Variants in GLI4 observed in about 807,000 individuals in gnomAD.
The protein encoded by GLI4 is zinc finger protein GLI4.
In GLI4, 34 loss-of-function variants were observed where a neutral mutation model predicts 30.9. That is an observed-to-expected ratio of 1.10 (90% CI 0.84 to 1.47). The LOEUF is 1.47. GLI4 is among the 40% of genes most tolerant of loss of function. GLI4 has a pLI of 0.00. For missense variants in GLI4, 696 were observed against 538.9 expected (o/e 1.29, Z -2.89); for synonymous variants, 277 against 236.7 (o/e 1.17, Z -1.56).
intron 3 of GLI4, 70 bp from the exon 4 acceptor site, chr8:143,275,827 C>T (rs1006215696): frequency 1.6e-6 from 2 of 1,251,446 alleles, no homozygotes; most frequent in South Asian, 3.4e-5. Context: ...CTCTCACTCC[C>T]CGTCCCCGTC....
Position 143,274,772 on chromosome 8 carries a change from G to A in GLI4, c.193G>A (p.Val65Met). Reference protein sequence around the residue: ...SDLDLQDVEEVEIGRDTFWPD... With the variant: ...SDLDLQDVEEMEIGRDTFWPD... ...CCTGGATCTCCAAGACGTAGAGGAA[G>A]TGGAGATCGGCAGAGACACCTTCTG... is the stretch of plus-strand genomic sequence containing the variant. Residue 65 changes from valine to methionine, a missense_variant, in exon 3 of 4, where the codon GTG (valine) becomes ATG (methionine). Val to Met is a conservative substitution (Grantham distance 21). Coordinates refer to ENST00000340042, the MANE Select transcript of GLI4 (RefSeq NM_138465.4). The A allele has an allele frequency of 6.4e-7, 1 of 1,569,482 alleles. No homozygotes were observed. The highest frequency in any genetic ancestry group is 2.4e-5 in the East Asian group (1 of 42,158).
intron 2 of GLI4, among the ~76,000 whole-genome samples, chr8:143,270,498 G>A (rs188369580): frequency 5.9e-4 from 90 of 152,316 alleles, no homozygotes; most frequent in African/African-American, 1.8e-3. Context: ...AGGGGCGCCC[G>A]TGGGCTGCCT....
chr8:143,276,905 G>A lies in GLI4; in HGVS notation c.*101G>A. On this transcript the variant is annotated 3_prime_UTR_variant, in exon 4 of 4. Coordinates refer to ENST00000340042, the MANE Select transcript of GLI4 (RefSeq NM_138465.4). ...GCCCAGCACCGCATGCCACGTGTCC[G>A]GAATAAATTCTTTTTGATTGTTGGA... 4 of 757,900 alleles carry A rather than the reference G, an allele frequency of 5.3e-6. No homozygotes were observed. Among genetic ancestry groups the A allele is most frequent in the Admixed American group, 2.9e-5 (1 of 33,966 alleles). The allele number at this position is 757,900 out of a possible 1,614,324, so 46.9% of individuals were successfully genotyped here.
intron 2 of GLI4, among the ~76,000 whole-genome samples, chr8:143,270,117 G>A (rs1453036554): frequency 4.6e-5 from 7 of 152,248 alleles, no homozygotes; most frequent in African/African-American, 1.2e-4. Context: ...GCCTGGCCTC[G>A]GCCCTCGTGG....
Position 143,276,552 on chromosome 8 carries a change from G to A in GLI4, c.879G>A (p.Lys293=). 1.9e-6 allele frequency: 3 copies of A among 1,612,604 alleles called. No homozygotes were observed. Among genetic ancestry groups the A allele is most frequent in the Non-Finnish European group, 2.5e-6 (3 of 1,179,772 alleles). ...ACCAGCGGCTGCACACGGGTGAGAAGCCCTACGCCTGCAGCCAGTGCGGCA... is the reference window on the plus strand; with the variant it reads ...ACCAGCGGCTGCACACGGGTGAGAAACCCTACGCCTGCAGCCAGTGCGGCA... The part of the protein sequence containing the change: ...VRHQRLHTGE[K]PYACSQCGKA... The change falls in exon 4 of 4, where the codon AAG becomes AAA. Residue 293 remains lysine (K), a synonymous_variant. Coordinates refer to ENST00000340042, the MANE Select transcript of GLI4 (RefSeq NM_138465.4).
chr8:143,276,277 C>G lies in GLI4; in HGVS notation c.604C>G (p.Gln202Glu). The change falls in exon 4 of 4, where the codon CAG becomes GAG. Residue 202 changes from glutamine (Q) to glutamate (E), a missense_variant. Gln to Glu is a conservative substitution (Grantham distance 29). Coordinates refer to ENST00000340042, the MANE Select transcript of GLI4 (RefSeq NM_138465.4). ...FKYNSLLLKH[Q>E]RIHTGEKPYA... ...GTATAACTCGCTGCTCCTGAAGCACCAGCGCATCCACACGGGCGAGAAGCC... is the reference window on the plus strand; with the variant it reads ...GTATAACTCGCTGCTCCTGAAGCACGAGCGCATCCACACGGGCGAGAAGCC... 1 of 1,612,262 alleles carries G rather than the reference C, an allele frequency of 6.2e-7. No individual in the cohort carries two copies. Among genetic ancestry groups the G allele is most frequent in the Non-Finnish European group, 8.5e-7 (1 of 1,179,632 alleles).
At chr8:143,275,548 G>A (rs1338554381) in intron 3 of GLI4, 11 of 1,264,426 alleles carry the variant, frequency 8.7e-6, no homozygotes. Context: ...GCGTCCCCCA[G>A]GCTCCGGGTC....
At chr8:143,274,151 T>A (rs998915704) in intron 2 of GLI4, among the ~76,000 whole-genome samples, 2 of 152,202 alleles carry the variant, frequency 1.3e-5, no homozygotes, top group Non-Finnish European at 2.9e-5. Flanking sequence ...CCTCAGGCTC[T>A]GCCTGAGGAA....
chr8:143,268,838 TTGC>T (rs201537418), intron 1 of GLI4, among the ~76,000 whole-genome samples: 2 of 148,114 alleles, frequency 1.4e-5, no homozygotes, highest in East Asian at 4.0e-4. Flanking sequence ...CGTTACTCCT[TTGC>T]TGCTGCTGCT....
Position 143,269,425 on chromosome 8 carries a change from C to T in GLI4, c.29C>T (p.Ser10Phe), listed in dbSNP as rs200614249. Residue 10 changes from serine to phenylalanine, a missense_variant, in exon 2 of 4, where the codon TCC becomes TTC. By Grantham distance (155) the Ser-to-Phe change is radical. Coordinates refer to ENST00000340042, the MANE Select transcript of GLI4 (RefSeq NM_138465.4). MAALGDIQE[S>F]PSVPSPVSLS... is the part of the protein sequence containing the mutation. ...GCAGCCCTAGGGGACATTCAGGAGT[C>T]CCCTTCTGTCCCGTCCCCTGTCAGT... 1.2e-6 allele frequency: 2 copies of T among 1,606,880 alleles called. No homozygotes were observed. Among genetic ancestry groups the T allele is most frequent in the East Asian group, 2.2e-5 (1 of 44,852 alleles).
chr8:143,275,434 G>C, intron 3 of GLI4: 1 of 1,369,706 alleles, frequency 7.3e-7, no homozygotes, highest in South Asian at 1.9e-5. Flanking sequence ...TGGGAGCTGG[G>C]CGGCAGCACA....
chr8:143,275,913 G>A lies in GLI4; in HGVS notation c.240G>A (p.Pro80=). Residue 80 remains proline, a synonymous_variant, in exon 4 of 4, where the codon CCG becomes CCA. Coordinates refer to ENST00000340042, the MANE Select transcript of GLI4 (RefSeq NM_138465.4). ...DTFWPDSEPK[P]EQAPRSPGSQ... ...TCATTTCAGACTCCGAGCCCAAGCC[G>A]GAGCAGGCTCCACGCTCTCCTGGCT... 2.3e-6 allele frequency: 3 copies of A among 1,299,258 alleles called. No homozygotes were observed. The highest frequency in any genetic ancestry group is 9.8e-7 in the Non-Finnish European group (1 of 1,021,292). The allele number at this position is 1,299,258 out of a possible 1,614,324, so 80.5% of individuals were successfully genotyped here. A position where few individuals can be genotyped will look rare whatever the true frequency, so the allele number is the denominator to read the frequency against.
intron 2 of GLI4, among the ~76,000 whole-genome samples, chr8:143,271,553 A>G (rs1410042018): frequency 6.6e-6 from 1 of 152,150 alleles, no homozygotes; most frequent in Non-Finnish European, 1.5e-5. Flanking sequence ...CCATCCTGCC[A>G]ATTAGGGATC....
chr8:143,276,205 C>CGGGGGGCCAAGCCGCACAGGT lies in GLI4; in HGVS notation c.534_554dup (p.Arg184_Cys185insTrpGlyAlaLysProHisArg). On this transcript the variant is annotated inframe_insertion, in exon 4 of 4. Transcript: ENST00000340042. ...CGGTCGGAGCCGGCAGGGCAGCGCGCGGGGGGCCAAGCCGCACAGGTGCGA... is the reference window on the plus strand; with the variant it reads ...CGGTCGGAGCCGGCAGGGCAGCGCGCGGGGGGCCAAGCCGCACAGGTGGGGGGCCAAGCCGCACAGGTGCGA... The CGGGGGGCCAAGCCGCACAGGT allele has an allele frequency of 6.4e-7, 1 of 1,574,700 alleles. No individual in the cohort carries two copies.
chr8:143,267,996 G>T (rs1236336644), intron 1 of GLI4: 1 of 985,322 alleles, frequency 1.0e-6, no homozygotes, highest in Non-Finnish European at 1.2e-6. Flanking sequence ...GTGCGTCCCT[G>T]GGGGTGAAGG....
chr8:143,274,994 T>G, intron 3 of GLI4, 192 bp downstream of exon 3: 4 of 1,499,020 alleles, frequency 2.7e-6, no homozygotes, highest in Non-Finnish European at 2.7e-6. Flanking sequence ...TACTGATGCT[T>G]CCCGAGGCGG....
chr8:143,274,746 A>T lies in GLI4; in HGVS notation c.167A>T (p.Asp56Val). The stretch of plus-strand genomic sequence containing the variant: ...CCTAAGGTGCTCTCCCAGCCGTCCG[A>T]CCTGGATCTCCAAGACGTAGAGGAA... ...SSPKVLSQPS[D>V]LDLQDVEEVE... is the part of the protein sequence containing the mutation. The change falls in exon 3 of 4, where the codon GAC becomes GTC. Residue 56 changes from aspartate to valine, a missense_variant. By Grantham distance (152) the Asp-to-Val change is radical. Transcript: ENST00000340042. 3 of 1,571,070 alleles carry T rather than the reference A, an allele frequency of 1.9e-6. No homozygotes were observed. The highest frequency in any genetic ancestry group is 2.6e-6 in the Non-Finnish European group (3 of 1,156,464).
intron 1 of GLI4, among the ~76,000 whole-genome samples, chr8:143,268,710 G>A (rs1396902033): frequency 6.6e-6 from 1 of 152,266 alleles, no homozygotes; most frequent in Non-Finnish European, 1.5e-5. Flanking sequence ...GAGGGGTGAT[G>A]CCACGGGCTG....
intron 1 of GLI4, chr8:143,268,206 G>A (rs1815180899): frequency 7.3e-6 from 4 of 551,614 alleles, no homozygotes; most frequent in South Asian, 7.8e-5. Flanking sequence ...ATGGAGGCTG[G>A]CCCAGAAGCC....
Sources: gnomAD v4.1 joint callset for allele counts (sites outside exome capture counted in the v4.1 genomes callset) on GRCh38, gnomAD v4.1.1 for gene constraint, MANE v1.5 for transcripts, NCBI Gene and HGNC (gene_info 2026-07-23, HGNC 2026-07-21) for gene names.